The following COL11A1 variants were observed in gnomAD, a reference collection of about 807,000 sequenced individuals.
COL11A1 encodes collagen alpha-1(XI) chain.
A neutral mutation model predicts 265.2 loss-of-function variants in COL11A1; 74 were observed. That is an observed-to-expected ratio of 0.28 (90% CI 0.23 to 0.34). The LOEUF is 0.34. Ranked by LOEUF, COL11A1 falls within the 10% of genes least tolerant of loss-of-function variation. The pLI, the probability that COL11A1 is intolerant of heterozygous loss-of-function variation, is 1.00. For missense variants in COL11A1, 2,165 were observed against 2,263.6 expected, an observed-to-expected ratio of 0.96 and a Z score of 0.88; for synonymous variants, 816 against 727.6, an observed-to-expected ratio of 1.12 and a Z score of -1.96.
Position 103,078,810 on chromosome 1 carries a change from C to A in COL11A1, c.336G>T (p.Gln112His). The change falls in exon 3 of 67, where the codon CAG becomes CAT. Residue 112 changes from glutamine to histidine, a missense_variant. By Grantham distance (24) the Gln-to-His change is conservative. Transcript: ENST00000370096. The stretch of plus-strand genomic sequence containing the variant: ...CATTATATATAGATAAAAGGAAAGA[C>A]TGAATTCCTTTTTTTGGTTTTACTG... ...LFTVKPKKGIQSFLLSIYNEH... is the reference protein window; with the variant it reads ...LFTVKPKKGIHSFLLSIYNEH... 1 of 1,612,262 alleles carries A rather than the reference C, an allele frequency of 6.2e-7. No homozygotes were observed. Among genetic ancestry groups the A allele is most frequent in the Non-Finnish European group, 8.5e-7 (1 of 1,178,764 alleles).
chr1:102,956,741 T>A (rs1235372038), intron 41 of COL11A1, among the ~76,000 whole-genome samples: 1 of 151,942 alleles, frequency 6.6e-6, no homozygotes. Flanking sequence ...ATATCATAGG[T>A]ACTTTTGATA....
intron 37 of COL11A1, 90 bp from the exon 38 acceptor site, chr1:102,965,630 A>T: frequency 9.8e-7 from 1 of 1,019,348 alleles, no homozygotes. Flanking sequence ...GTCACATTAA[A>T]AGAAAGTCAC....
At chr1:102,992,544 T>C (rs963992280) in intron 28 of COL11A1, among the ~76,000 whole-genome samples, 1 of 151,960 alleles carries the variant, frequency 6.6e-6, no homozygotes, top group Admixed American at 6.6e-5. Flanking sequence ...AAAAATGAAA[T>C]AAATAAGGCA....
At position 102,947,233 on chromosome 1, in the gene COL11A1, T is replaced by C. The variant is rs550363787; in HGVS notation, c.3169-277A>G. On this transcript the variant is annotated intron_variant, in intron 41 of 66. Coordinates refer to ENST00000370096, the MANE Select transcript of COL11A1 (RefSeq NM_001854.4). The stretch of plus-strand genomic sequence containing the variant: ...TGTATTTAATATTTATTTAATGTTA[T>C]CTGTTTCCATTTAAGTGTTCATAAT... Among the ~76,000 whole-genome samples the C allele has an allele frequency of 3.5e-5, 5 of 142,666 alleles. No individual in the cohort carries two copies. In the South Asian group the frequency reaches 1.0e-3, roughly 30 times the overall value. 93.6% of individuals were successfully genotyped at this position (142,666 alleles called of 152,430 possible).
chr1:102,889,584 A>G, intron 58 of COL11A1, 22 bp from the exon 59 acceptor site: 1 of 1,517,694 alleles, frequency 6.6e-7, no homozygotes, highest in Non-Finnish European at 9.2e-7. Flanking sequence ...AGAGAAAAAA[A>G]ATAATAACAT....
intron 4 of COL11A1, among the ~76,000 whole-genome samples, chr1:103,032,726 T>A (rs1407971672): frequency 6.6e-6 from 1 of 152,090 alleles, no homozygotes; most frequent in East Asian, 1.9e-4. Context: ...TCATTCTTTC[T>A]TCTGTCTAAA....
At chr1:102,990,693 A>G (rs1664044417) in intron 28 of COL11A1, among the ~76,000 whole-genome samples, 2 of 151,632 alleles carry the variant, frequency 1.3e-5, no homozygotes, top group South Asian at 4.2e-4. Context: ...GCAATTACTC[A>G]TTCAAAGTGC....
At chr1:103,072,770 C>G (rs1157011186) in intron 4 of COL11A1, among the ~76,000 whole-genome samples, 1 of 151,522 alleles carries the variant, frequency 6.6e-6, no homozygotes, top group Non-Finnish European at 1.5e-5. Flanking sequence ...TATATACATA[C>G]AATAATATAA....
chr1:103,102,773 A>G (rs1674383597), intron 1 of COL11A1, among the ~76,000 whole-genome samples: 1 of 152,092 alleles, frequency 6.6e-6, no homozygotes, highest in Admixed American at 6.6e-5. Flanking sequence ...GTGAGTATAA[A>G]AACTCATGAT....
intron 41 of COL11A1, among the ~76,000 whole-genome samples, chr1:102,951,594 G>T (rs1045007866): frequency 6.6e-6 from 1 of 151,958 alleles, no homozygotes; most frequent in African/African-American, 2.4e-5. Flanking sequence ...AAATTAGCCG[G>T]GTGTGGTGGC....
chr1:102,979,454 A>G lies in COL11A1; in HGVS notation c.2557-19T>C. 6.4e-7 allele frequency: 1 copy of G among 1,554,594 alleles called. No homozygotes were observed. The highest frequency in any genetic ancestry group is 8.9e-7 in the Non-Finnish European group (1 of 1,126,794). ...TGGAACCCTACAATAATAAAAGTAAATAATGAATAAACATGGCAATTAACA... is the reference window on the plus strand; with the variant it reads ...TGGAACCCTACAATAATAAAAGTAAGTAATGAATAAACATGGCAATTAACA... On this transcript the variant is annotated intron_variant, in intron 31 of 66. Coordinates refer to ENST00000370096, the MANE Select transcript of COL11A1 (RefSeq NM_001854.4).
chr1:103,037,628 G>T (rs1022679990), intron 4 of COL11A1, among the ~76,000 whole-genome samples: 3 of 152,156 alleles, frequency 2.0e-5, no homozygotes, highest in African/African-American at 7.2e-5. Context: ...AACTAAAACA[G>T]TTAATGCAGA....
At chr1:102,918,994 CA>C (rs758573806) in intron 49 of COL11A1, among the ~76,000 whole-genome samples, 3 of 151,904 alleles carry the variant, frequency 2.0e-5, no homozygotes, top group Non-Finnish European at 4.4e-5. Flanking sequence ...GCATTAGAGC[CA>C]AAAGGAGATG....
intron 4 of COL11A1, among the ~76,000 whole-genome samples, chr1:103,041,485 T>C (rs1386896465): frequency 6.6e-6 from 1 of 151,804 alleles, no homozygotes; most frequent in African/African-American, 2.4e-5. Flanking sequence ...TAATTTTATA[T>C]AAAGTGGTAC....
At chr1:102,974,619 C>G (rs1212290879) in intron 36 of COL11A1, among the ~76,000 whole-genome samples, 1 of 151,936 alleles carries the variant, frequency 6.6e-6, no homozygotes. Flanking sequence ...GGTATACTGT[C>G]AAAAAATACT....
At chr1:103,095,745 T>G (rs550728593) in intron 1 of COL11A1, among the ~76,000 whole-genome samples, 1 of 152,110 alleles carries the variant, frequency 6.6e-6, no homozygotes, top group African/African-American at 2.4e-5. Flanking sequence ...ACAGAAAATA[T>G]TGTTCAGTTT....
At chr1:102,989,645 AT>A in intron 28 of COL11A1, 74 bp from the exon 29 acceptor site, 1 of 1,058,224 alleles carries the variant, frequency 9.4e-7, no homozygotes, top group Non-Finnish European at 1.4e-6. Flanking sequence ...TGCTATAAAA[AT>A]TTATGTGCTG....
intron 1 of COL11A1, among the ~76,000 whole-genome samples, chr1:103,093,219 AGGT>A: frequency 6.6e-6 from 1 of 152,278 alleles, no homozygotes; most frequent in South Asian, 2.1e-4. Context: ...AGCAAAAGCA[AGGT>A]GAAGAATCTA....
Position 103,026,336 on chromosome 1 carries a change from C to A in COL11A1, c.781-4G>T. ...CGATTATATCCTCTGGTGCATACTA[C>A]ATTGCAAAGGAAAAAATATCAGGCA... On this transcript the variant is annotated splice_polypyrimidine_tract_variant and splice_region_variant and intron_variant, in intron 5 of 66. Transcript: ENST00000370096. 1 of 1,587,418 alleles carries A rather than the reference C, an allele frequency of 6.3e-7. No individual in the cohort carries two copies. Among genetic ancestry groups the A allele is most frequent in the Non-Finnish European group, 8.7e-7 (1 of 1,155,648 alleles).
Sources: allele counts gnomAD v4.1 joint callset (sites outside exome capture counted in the v4.1 genomes callset), GRCh38; gene constraint gnomAD v4.1.1; transcripts MANE v1.5; gene names NCBI Gene and HGNC (gene_info 2026-07-23, HGNC 2026-07-21).